SF1: variants seen among roughly 807,000 people sequenced by gnomAD.
SF1 encodes the protein branch point-binding protein.
A neutral mutation model predicts 62.5 loss-of-function variants in SF1; 7 were observed. The ratio of observed to expected loss-of-function variants is 0.11; its 90% CI spans 0.06 to 0.21. SF1 has a LOEUF of 0.21. Ranked by LOEUF, SF1 falls within the 10% of genes least tolerant of loss-of-function variation. The probability of loss-of-function intolerance (pLI) is 1.00; values close to 1 mark genes in which losing one functional copy is unlikely to be tolerated. For missense variants in SF1, 578 were observed against 884.0 expected (o/e 0.65, Z 4.39); for synonymous variants, 394 against 323.6 (o/e 1.22, Z -2.33).
chr11:64,777,827 A>G, intron 1 of SF1: 1 of 937,808 alleles, frequency 1.1e-6, no homozygotes, highest in Non-Finnish European at 1.3e-6. Context: ...TCGAGGCCCT[A>G]GAACCAGGCC....
At chr11:64,770,213 C>A in intron 4 of SF1, 43 bp downstream of exon 4, 1 of 1,603,452 alleles carries the variant, frequency 6.2e-7, no homozygotes, top group Non-Finnish European at 8.5e-7. Flanking sequence ...CACCCATGAT[C>A]TGCATGTGTC....
Position 64,778,460 on chromosome 11 carries a change from C to CG in SF1, c.-69dup. ...GGCGGCTTCTCCTTCGCAAGCCTCCCGGGGGGAGGGGACCCGAATGCGCTG... is the reference window on the plus strand; with the variant it reads ...GGCGGCTTCTCCTTCGCAAGCCTCCCGGGGGGGAGGGGACCCGAATGCGCTG... On this transcript the variant is annotated 5_prime_UTR_variant, in exon 1 of 13. Coordinates refer to ENST00000377390, the MANE Select transcript of SF1 (RefSeq NM_004630.4). 7.4e-6 allele frequency: 9 copies of CG among 1,209,134 alleles called. No homozygotes were observed. The highest frequency in any genetic ancestry group is 8.2e-6 in the Non-Finnish European group (8 of 972,390). The allele number at this position is 1,209,134 out of a possible 1,614,324, so 74.9% of individuals were successfully genotyped here.
intron 3 of SF1, 100 bp downstream of exon 3, chr11:64,773,330 C>T: frequency 6.5e-7 from 1 of 1,539,690 alleles, no homozygotes; most frequent in Admixed American, 2.2e-5. Flanking sequence ...AGTCGTCATA[C>T]TATGATTTTA....
In SF1 at chr11:64,778,527, G is replaced by A. The variant is rs1460217903; in HGVS notation, c.-135C>T. 8.3e-7 allele frequency: 1 copy of A among 1,200,270 alleles called. No individual in the cohort carries two copies. The highest frequency in any genetic ancestry group is 4.1e-5 in the South Asian group (1 of 24,110). The allele number at this position is 1,200,270 out of a possible 1,614,324, so 74.4% of individuals were successfully genotyped here. A position where few individuals can be genotyped will look rare whatever the true frequency, so the allele number is the denominator to read the frequency against. ...CCGTCCTCTCACGCGGCGGGCGGCG[G>A]CGGCGCGAGACGCACAAAGAGGGAG... On this transcript the variant is annotated 5_prime_UTR_variant, in exon 1 of 13. Transcript: ENST00000377390.
At chr11:64,778,293 G>C in intron 1 of SF1, 69 bp downstream of exon 1, 18 of 1,218,284 alleles carry the variant, frequency 1.5e-5, no homozygotes, top group Non-Finnish European at 1.8e-5. Context: ...CCGGGTGCAG[G>C]CGGAGGGCCC....
In SF1 at chr11:64,769,416, C is replaced by T. The variant is rs371348522; in HGVS notation, c.663+10G>A. 2.5e-6 allele frequency: 4 copies of T among 1,613,922 alleles called. No individual in the cohort carries two copies. The highest frequency in any genetic ancestry group is 3.4e-6 in the Non-Finnish European group (4 of 1,179,834). On this transcript the variant is annotated intron_variant, in intron 6 of 12. Transcript: ENST00000377390. ...TGCTAGGAGGCTTCCTTTCTGGGCTCACCGCTCACCTGTTCCACTGCCTTT... is the reference window on the plus strand; with the variant it reads ...TGCTAGGAGGCTTCCTTTCTGGGCTTACCGCTCACCTGTTCCACTGCCTTT...
chr11:64,776,985 T>C (rs6591863), intron 1 of SF1, among the ~76,000 whole-genome samples: 6,823 of 152,200 alleles, frequency 0.045, 509 homozygotes, highest in African/African-American at 0.15. Flanking sequence ...AAAAATACAC[T>C]GAAGAATCAT....
intron 12 of SF1, 174 bp from the exon 13 acceptor site, chr11:64,766,329 C>T (rs953409404): frequency 1.0e-5 from 6 of 585,102 alleles, no homozygotes; most frequent in African/African-American, 5.7e-5. Context: ...GGCAGGACTA[C>T]CCTGGGGTCA....
At chr11:64,770,532 C>G in intron 3 of SF1, 124 bp from the exon 4 acceptor site, 1 of 1,029,284 alleles carries the variant, frequency 9.7e-7, no homozygotes, top group Non-Finnish European at 1.4e-6. Flanking sequence ...TCGGAGGAAC[C>G]GACCATAACG....
Position 64,768,254 on chromosome 11 carries a change from G to A in SF1, c.920C>T (p.Ala307Val), listed in dbSNP as rs1189261249. Residue 307 changes from alanine to valine, a missense_variant, in exon 9 of 13, where the codon GCA becomes GTA. Ala to Val is a moderately conservative substitution (Grantham distance 64). Around this residue, in one of 7 missense-constraint regions of SF1, gnomAD observed 45 missense variants for 97.8 expected, o/e 0.46. Coordinates refer to ENST00000377390, the MANE Select transcript of SF1 (RefSeq NM_004630.4). ...GGACAAATATTCTTTATCCATCCGT[G>A]CTTTATCCTGAGCTGACTGAGGATC... Reference protein sequence around the residue: ...PGDPQSAQDKARMDKEYLSLM... With the variant: ...PGDPQSAQDKVRMDKEYLSLM... 1 of 1,613,884 alleles carries A rather than the reference G, an allele frequency of 6.2e-7. No homozygotes were observed. The highest frequency in any genetic ancestry group is 8.5e-7 in the Non-Finnish European group (1 of 1,179,894).
At chr11:64,767,369 G>A in intron 10 of SF1, 118 bp from the exon 11 acceptor site, 2 of 1,157,620 alleles carry the variant, frequency 1.7e-6, no homozygotes, top group Non-Finnish European at 2.6e-6. Flanking sequence ...GCCTGTAAAA[G>A]GCAGGTCTGT....
intron 3 of SF1, among the ~76,000 whole-genome samples, chr11:64,770,917 G>A (rs541989942): frequency 1.3e-5 from 2 of 152,296 alleles, no homozygotes; most frequent in East Asian, 3.9e-4. Flanking sequence ...GGGACTGAAG[G>A]CTACTGCAGC....
chr11:64,768,911 T>C (rs1196123560), intron 8 of SF1, 111 bp downstream of exon 8: 14 of 804,386 alleles, frequency 1.7e-5, no homozygotes, highest in Non-Finnish European at 2.9e-5. Context: ...CAGACCACAC[T>C]AACAGAAAGG....
chr11:64,777,707 G>C (rs537166359), intron 1 of SF1: 1 of 985,572 alleles, frequency 1.0e-6, no homozygotes, highest in Non-Finnish European at 1.2e-6. Flanking sequence ...GACAGCAATA[G>C]TGGGCCCCCA....
Position 64,769,456 on chromosome 11 carries a change from T to C in SF1, c.633A>G (p.Thr211=), listed in dbSNP as rs148293463. ...EPLHALVTAN[T]MENVKKAVEQ... is the part of the protein sequence containing the mutation. Reference sequence around the variant, plus strand: ...CCACTGCCTTTTTGACGTTCTCCATTGTATTGGCAGTAACCAGGGCATGAA... The same window carrying C: ...CCACTGCCTTTTTGACGTTCTCCATCGTATTGGCAGTAACCAGGGCATGAA... Residue 211 remains threonine (T), a synonymous_variant, in exon 6 of 13, where the codon ACA becomes ACG. Transcript: ENST00000377390. 1.2e-5 allele frequency: 20 copies of C among 1,614,198 alleles called. No homozygotes were observed. In the Admixed American group the frequency reaches 3.2e-4, roughly 26 times the overall value.
chr11:64,772,583 G>A (rs757865432), intron 3 of SF1: 126 of 985,092 alleles, frequency 1.3e-4, no homozygotes, highest in Non-Finnish European at 1.5e-4. Flanking sequence ...TTAAAGCAAA[G>A]TCTTTTCAAC....
intron 3 of SF1, chr11:64,771,960 A>C: frequency 1.0e-6 from 1 of 985,390 alleles, no homozygotes. Flanking sequence ...AACATGCTTG[A>C]CATTTCTAAT....
rs1349465582 is a variant in SF1, at chr11:64,769,132, A to AT, written c.780-4dup. ...AGCTCTGCCAGGGTCTTAAGATCCT[A>AT]TTAAAGGAAAAAGAGGTCAATGCAA... On this transcript the variant is annotated splice_polypyrimidine_tract_variant and splice_region_variant and intron_variant, in intron 7 of 12. Transcript: ENST00000377390. The AT allele has an allele frequency of 6.2e-7, 1 of 1,613,674 alleles. No individual in the cohort carries two copies. Among genetic ancestry groups the AT allele is most frequent in the Non-Finnish European group, 8.5e-7 (1 of 1,179,544 alleles).
rs1359092300 is a variant in SF1 at position 64,765,605 on chromosome 11, G to A, written c.*213C>T. 1.3e-6 allele frequency: 2 copies of A among 1,507,712 alleles called. No homozygotes were observed. The highest frequency in any genetic ancestry group is 2.3e-5 in the Admixed American group (1 of 43,126). 93.4% of individuals were successfully genotyped at this position (1,507,712 alleles called of 1,614,324 possible). ...AGACACTCGATGCTACGGGGCGCCA[G>A]GAGAGCCCAAGCTGGCGCCCCTACT... On this transcript the variant is annotated 3_prime_UTR_variant, in exon 13 of 13. Coordinates refer to ENST00000377390, the MANE Select transcript of SF1 (RefSeq NM_004630.4).
Sources: allele counts gnomAD v4.1 joint callset (sites outside exome capture counted in the v4.1 genomes callset), GRCh38; gene constraint gnomAD v4.1.1; regional missense constraint gnomAD v4.1.1; transcripts MANE v1.5; gene names NCBI Gene and HGNC (gene_info 2026-07-23, HGNC 2026-07-21).